Variants in ANKRD33B observed in about 807,000 individuals in gnomAD.
ANKRD33B encodes ankyrin repeat domain 33B.
ANKRD33B carries 6 observed loss-of-function variants against 21.5 expected under a neutral mutation model. That is an observed-to-expected ratio of 0.28 (90% CI 0.15 to 0.55). The LOEUF (loss-of-function observed/expected upper bound fraction) is 0.55. ANKRD33B is among the 20% of genes least tolerant of loss of function. The pLI, the probability that ANKRD33B is intolerant of heterozygous loss-of-function variation, is 0.94. For missense variants in ANKRD33B, 698 were observed against 747.2 expected, an observed-to-expected ratio of 0.93 and a Z score of 0.77; for synonymous variants, 347 against 342.4, an observed-to-expected ratio of 1.01 and a Z score of -0.15.
intron 1 of ANKRD33B, among the ~76,000 whole-genome samples, chr5:10,582,393 CG>C (rs1034158429): frequency 2.0e-5 from 3 of 152,064 alleles, no homozygotes; most frequent in East Asian, 3.9e-4. Context: ...ATTTCCCAAG[CG>C]GGGGGGATGT....
intron 2 of ANKRD33B, chr5:10,624,732 C>T (rs1380656707): frequency 2.2e-6 from 1 of 456,712 alleles, no homozygotes; most frequent in Non-Finnish European, 4.4e-6. Flanking sequence ...CAGGGGCTGC[C>T]CCTGTCCCCA....
Position 10,652,855 on chromosome 5 carries a change from T to C in ANKRD33B, c.*2742T>C. On this transcript the variant is annotated 3_prime_UTR_variant, in exon 4 of 4. Transcript: ENST00000296657. This position sits in a 1 kb window ranked among gnomAD's most constrained non-coding sequence, Gnocchi z 4.1. ...TCCACAAAACAGCTCTAGAGATACC[T>C]GCATTTTGAAAAGCCTGCTGAGCCA... The C allele has an allele frequency of 3.7e-6, 1 of 268,550 alleles. No homozygotes were observed. Among genetic ancestry groups the C allele is most frequent in the Non-Finnish European group, 7.8e-6 (1 of 128,858 alleles). 16.6% of individuals were successfully genotyped at this position (268,550 alleles called of 1,614,324 possible).
rs1310753444 is a variant in ANKRD33B at position 10,564,116 on chromosome 5, G to A, written c.-352G>A. On this transcript the variant is annotated 5_prime_UTR_variant, in exon 1 of 4. Coordinates refer to ENST00000296657, the MANE Select transcript of ANKRD33B (RefSeq NM_001164440.2). The stretch of plus-strand genomic sequence containing the variant: ...CGCGCCAGCTGTCCCCAGCTCTGGG[G>A]CAACGCTGCCAGGTGCCCAGTCCCC... Among the ~76,000 whole-genome samples the A allele has an allele frequency of 6.6e-6, 1 of 152,144 alleles. No homozygotes were observed. Among genetic ancestry groups the A allele is most frequent in the Non-Finnish European group, 1.5e-5 (1 of 67,982 alleles).
At chr5:10,590,932 C>A (rs1342825823) in intron 1 of ANKRD33B, among the ~76,000 whole-genome samples, 1 of 152,052 alleles carries the variant, frequency 6.6e-6, no homozygotes, top group Non-Finnish European at 1.5e-5. Context: ...CTGGATGCCT[C>A]CAAATGGATA....
At chr5:10,566,700 C>G (rs776359697) in intron 1 of ANKRD33B, among the ~76,000 whole-genome samples, 26 of 152,258 alleles carry the variant, frequency 1.7e-4, no homozygotes, top group Non-Finnish European at 3.2e-4. Flanking sequence ...TCGAGCCTAA[C>G]AGACTGAGTC....
rs916450980 is a variant in ANKRD33B, at chr5:10,650,049, A to G, written c.1421A>G (p.Glu474Gly). Residue 474 changes from glutamate to glycine, a missense_variant, in exon 4 of 4, where the codon GAA (glutamate) becomes GGA (glycine). Glu to Gly is a moderately conservative substitution (Grantham distance 98). Transcript: ENST00000296657. The part of the protein sequence containing the change: ...KEEKRKAEEA[E>G]KKRQAEAQKE... ...GAGAAGAGGAAGGCAGAGGAGGCCG[A>G]AAAGAAGCGCCAGGCCGAGGCGCAG... 2 of 1,531,282 alleles carry G rather than the reference A, an allele frequency of 1.3e-6. No individual in the cohort carries two copies. The highest frequency in any genetic ancestry group is 2.0e-5 in the Admixed American group (1 of 50,676). 94.9% of individuals were successfully genotyped at this position (1,531,282 alleles called of 1,614,324 possible).
rs114396155 is a variant in ANKRD33B at position 10,630,046 on chromosome 5, G to A, written c.497-7982G>A. On this transcript the variant is annotated intron_variant, in intron 2 of 3. Coordinates refer to ENST00000296657, the MANE Select transcript of ANKRD33B (RefSeq NM_001164440.2). ...AGTTGAATGGTTGATGGAGGGTGGC[G>A]GGAACATGAAGACGGCCCACAGGGG... Among the ~76,000 whole-genome samples the A allele has an allele frequency of 1.5e-3, 222 of 145,158 alleles. 1 individual carries two copies. Among genetic ancestry groups the A allele is most frequent in the African/African-American group, 5.3e-3 (211 of 39,518 alleles).
intron 1 of ANKRD33B, among the ~76,000 whole-genome samples, chr5:10,566,531 G>C (rs1403776352): frequency 1.3e-5 from 2 of 152,228 alleles, no homozygotes; most frequent in Admixed American, 1.3e-4. Context: ...TCTCCAGTGG[G>C]CTGGAATGGG....
chr5:10,608,636 C>A (rs992035249), intron 1 of ANKRD33B, among the ~76,000 whole-genome samples: 17 of 150,130 alleles, frequency 1.1e-4, no homozygotes, highest in African/African-American at 4.2e-4. Context: ...ATAATAAAAA[C>A]CATGGTGGAT....
At chr5:10,601,171 A>G (rs1315567273) in intron 1 of ANKRD33B, among the ~76,000 whole-genome samples, 1 of 152,082 alleles carries the variant, frequency 6.6e-6, no homozygotes, top group Non-Finnish European at 1.5e-5. Flanking sequence ...TGAAAATAGA[A>G]GAAAATGTGG....
chr5:10,570,122 C>A (rs1227634830), intron 1 of ANKRD33B, among the ~76,000 whole-genome samples: 1 of 152,172 alleles, frequency 6.6e-6, no homozygotes, highest in Non-Finnish European at 1.5e-5. Context: ...AGTGATCCAC[C>A]CACCTCGGCC....
chr5:10,588,268 T>C (rs1443974079), intron 1 of ANKRD33B, among the ~76,000 whole-genome samples: 3 of 152,234 alleles, frequency 2.0e-5, no homozygotes, highest in Admixed American at 6.5e-5. Context: ...TTATAATCTT[T>C]TTTCCTTAGC....
At chr5:10,635,649 G>T (rs561090655) in intron 2 of ANKRD33B, among the ~76,000 whole-genome samples, 105 of 152,332 alleles carry the variant, frequency 6.9e-4, no homozygotes, top group Non-Finnish European at 1.3e-3. Flanking sequence ...TGCTCCTCAG[G>T]AGAGTTCACC....
At chr5:10,580,877 A>T (rs1199693019) in intron 1 of ANKRD33B, among the ~76,000 whole-genome samples, 1 of 151,710 alleles carries the variant, frequency 6.6e-6, no homozygotes, top group African/African-American at 2.4e-5. Context: ...ACATATTTAG[A>T]TCCCTCCTGT....
At position 10,635,472 on chromosome 5, in the gene ANKRD33B, C is replaced by T. The variant is rs552620327; in HGVS notation, c.497-2556C>T. Among the ~76,000 whole-genome samples the T allele has an allele frequency of 2.3e-4, 35 of 152,316 alleles. No homozygotes were observed. The South Asian group carries it at 7.3e-3, about 32-fold the overall frequency. On this transcript the variant is annotated intron_variant, in intron 2 of 3. Coordinates refer to ENST00000296657, the MANE Select transcript of ANKRD33B (RefSeq NM_001164440.2). ...GTGGTGTAAATGAGTCAAAAAAGCACCAGCGACTGGCTGTGAGTCACGCAG... is the reference window on the plus strand; with the variant it reads ...GTGGTGTAAATGAGTCAAAAAAGCATCAGCGACTGGCTGTGAGTCACGCAG...
chr5:10,564,971 C>T, intron 1 of ANKRD33B, 138 bp downstream of exon 1: 1 of 1,260,802 alleles, frequency 7.9e-7, no homozygotes. Context: ...GCGCCTTTTC[C>T]CCGCTGTTTG....
chr5:10,637,733 C>A (rs143548636), intron 2 of ANKRD33B, among the ~76,000 whole-genome samples: 2 of 152,048 alleles, frequency 1.3e-5, no homozygotes, highest in Non-Finnish European at 2.9e-5. Flanking sequence ...AGCGTCCCTG[C>A]CCCCCACATC....
Position 10,649,784 on chromosome 5 carries a change from G to A in ANKRD33B, c.1156G>A (p.Gly386Ser). 7.1e-7 allele frequency: 1 copy of A among 1,400,044 alleles called. No homozygotes were observed. The highest frequency in any genetic ancestry group is 9.2e-7 in the Non-Finnish European group (1 of 1,083,308). 86.7% of individuals were successfully genotyped at this position (1,400,044 alleles called of 1,614,324 possible). ...ADSREGSPRA[G>S]LPPALGSRGP... ...CTCCCGGGAGGGCTCCCCGAGAGCC[G>A]GCCTCCCTCCCGCCCTGGGGTCCCG... Residue 386 changes from glycine (G) to serine (S), a missense_variant, in exon 4 of 4, where the codon GGC (glycine) becomes AGC (serine). Around this residue, in one of 3 missense-constraint regions of ANKRD33B, gnomAD observed 543 missense variants for 566.5 expected, o/e 0.96. Coordinates refer to ENST00000296657, the MANE Select transcript of ANKRD33B (RefSeq NM_001164440.2).
At chr5:10,596,651 A>T (rs1579724095) in intron 1 of ANKRD33B, among the ~76,000 whole-genome samples, 1 of 152,222 alleles carries the variant, frequency 6.6e-6, no homozygotes, top group East Asian at 1.9e-4. Flanking sequence ...GAACTTCCCC[A>T]ACCTAGTAAG....
Sources: allele counts gnomAD v4.1 joint callset (sites outside exome capture counted in the v4.1 genomes callset), GRCh38; gene constraint gnomAD v4.1.1; regional missense constraint gnomAD v4.1.1; non-coding constraint Gnocchi (gnomAD v3.1); transcripts MANE v1.5; gene names NCBI Gene and HGNC (gene_info 2026-07-23, HGNC 2026-07-21).